The following IQCH variants were observed in gnomAD, a reference collection of about 807,000 sequenced individuals.
IQCH encodes the protein IQ motif containing H.
Under a neutral mutation model 117.0 loss-of-function variants are expected in IQCH, and 98 were observed. The observed-to-expected ratio is 0.84, with a 90% CI of 0.71 to 0.99. The LOEUF (loss-of-function observed/expected upper bound fraction) is 0.99. Among genes scored for constraint, IQCH ranks in the 50% least tolerant of loss-of-function variants. IQCH has a pLI of 0.00. For missense variants in IQCH, 1,102 were observed against 1,243.8 expected, an observed-to-expected ratio of 0.89 and a Z score of 1.72; for synonymous variants, 412 against 448.2, an observed-to-expected ratio of 0.92 and a Z score of 1.02.
intron 4 of IQCH, among the ~76,000 whole-genome samples, chr15:67,314,690 T>C (rs1308776924): frequency 6.6e-6 from 1 of 152,190 alleles, no homozygotes; most frequent in Non-Finnish European, 1.5e-5. Context: ...TCCACATTAC[T>C]GGAGTGCTGA....
At chr15:67,264,326 AAATACT>A (rs1374252909) in intron 3 of IQCH, among the ~76,000 whole-genome samples, 2 of 150,904 alleles carry the variant, frequency 1.3e-5, no homozygotes, top group East Asian at 2.0e-4. Flanking sequence ...TTAGAACAAC[AAATACT>A]TACAGTTTTT....
At chr15:67,489,566 T>G (rs1473871965) in intron 18 of IQCH, among the ~76,000 whole-genome samples, 1 of 152,090 alleles carries the variant, frequency 6.6e-6, no homozygotes, top group African/African-American at 2.4e-5. Context: ...TTCTCCCGCC[T>G]CAGTCTCCCA....
chr15:67,429,365 A>T (rs974515103), intron 16 of IQCH, among the ~76,000 whole-genome samples: 2 of 152,130 alleles, frequency 1.3e-5, no homozygotes, highest in Non-Finnish European at 2.9e-5. Context: ...AAATTTTTTA[A>T]AAATTAGCTG....
At position 67,371,972 on chromosome 15, in the gene IQCH, G is replaced by A. The variant is rs565711262; in HGVS notation, c.754-139G>A. On this transcript the variant is annotated intron_variant, in intron 8 of 20. Coordinates refer to ENST00000335894, the MANE Select transcript of IQCH (RefSeq NM_001031715.3). Reference sequence around the variant, plus strand: ...ACTAGCTAGACTTTCGTATTATGACGTGTGTGTTAAATCAGTGCTAGGATT... The same window carrying A: ...ACTAGCTAGACTTTCGTATTATGACATGTGTGTTAAATCAGTGCTAGGATT... The A allele has an allele frequency of 2.6e-3, 1,824 of 705,694 alleles. 5 individuals carry two copies. Among genetic ancestry groups the A allele is most frequent in the Non-Finnish European group, 3.6e-3 (1,567 of 435,688 alleles). The allele number at this position is 705,694 out of a possible 1,614,324, so 43.7% of individuals were successfully genotyped here. A position where few individuals can be genotyped will look rare whatever the true frequency, so the allele number is the denominator to read the frequency against.
chr15:67,383,774 C>A (rs993928926), intron 10 of IQCH, among the ~76,000 whole-genome samples: 1 of 152,070 alleles, frequency 6.6e-6, no homozygotes, highest in Non-Finnish European at 1.5e-5. Context: ...AAAAATGATT[C>A]GAACAGCTCA....
At chr15:67,497,203 C>T (rs985263902) in intron 20 of IQCH, among the ~76,000 whole-genome samples, 4 of 151,846 alleles carry the variant, frequency 2.6e-5, no homozygotes, top group Non-Finnish European at 4.4e-5. Flanking sequence ...TGGTGGCACA[C>T]ACCTGTGGTT....
rs566125656 is a variant in IQCH at position 67,452,406 on chromosome 15, T to G, written c.2506-12721T>G. Reference sequence around the variant, plus strand: ...TTTAGTGCTTCCTTCAGGAGCTCTTTTAGGGCTGGCCTGGTGGTGACAGAA... The same window carrying G: ...TTTAGTGCTTCCTTCAGGAGCTCTTGTAGGGCTGGCCTGGTGGTGACAGAA... On this transcript the variant is annotated intron_variant, in intron 16 of 20. Transcript: ENST00000335894. Among the ~76,000 whole-genome samples, 4 of 152,330 alleles carry G rather than the reference T, an allele frequency of 2.6e-5. No individual in the cohort carries two copies. The East Asian group carries it at 7.7e-4, about 29-fold the overall frequency.
chr15:67,274,787 T>G (rs1011480770), intron 3 of IQCH, among the ~76,000 whole-genome samples: 6 of 152,178 alleles, frequency 3.9e-5, no homozygotes, highest in Non-Finnish European at 7.3e-5. Context: ...CTTGTTTTGG[T>G]TTTTAATGGA....
intron 16 of IQCH, among the ~76,000 whole-genome samples, chr15:67,434,775 C>T (rs1480502883): frequency 7.0e-6 from 1 of 142,158 alleles, no homozygotes; most frequent in East Asian, 2.1e-4. Flanking sequence ...TTTGTCTTTT[C>T]TTTTCTTTTC....
At chr15:67,441,631 T>C (rs1332604809) in intron 16 of IQCH, among the ~76,000 whole-genome samples, 1 of 152,158 alleles carries the variant, frequency 6.6e-6, no homozygotes, top group Non-Finnish European at 1.5e-5. Context: ...AAACATAAAG[T>C]TGGGAAATGA....
chr15:67,491,461 T>C lies in IQCH; in HGVS notation c.2861+1397T>C, dbSNP rs1417855681. Among the ~76,000 whole-genome samples, 1 of 152,154 alleles carries C rather than the reference T, an allele frequency of 6.6e-6. No homozygotes were observed. Among genetic ancestry groups the C allele is most frequent in the East Asian group, 1.9e-4 (1 of 5,192 alleles). ...CTACAATTTAATCTGGCACTTACAG[T>C]CTCAGATGCTTCCCATCACCTGGGA... On this transcript the variant is annotated intron_variant, in intron 19 of 20. Transcript: ENST00000335894. This position sits in a 1 kb window ranked among gnomAD's most constrained non-coding sequence, Gnocchi z 4.9.
intron 14 of IQCH, among the ~76,000 whole-genome samples, chr15:67,409,439 C>T (rs1341072149): frequency 6.6e-6 from 1 of 152,062 alleles, no homozygotes; most frequent in East Asian, 1.9e-4. Context: ...TGTTTGTGGT[C>T]GGGGGCAAAG....
chr15:67,399,862 G>A (rs1412025538), intron 13 of IQCH, among the ~76,000 whole-genome samples: 1 of 152,210 alleles, frequency 6.6e-6, no homozygotes, highest in Admixed American at 6.5e-5. Flanking sequence ...CCAGCAAAAT[G>A]ATAATTTCAG....
rs1256963766 is a variant in IQCH at position 67,395,647 on chromosome 15, C to G, written c.1905+84C>G. ...GGACAATTTCCAAGTCTTCTGGAGC[C>G]AGACCTACCCAATGAAGAATAGGTG... is the stretch of plus-strand genomic sequence containing the variant. On this transcript the variant is annotated intron_variant, in intron 13 of 20. Transcript: ENST00000335894. This position sits in a 1 kb window ranked among gnomAD's most constrained non-coding sequence, Gnocchi z 4.0. The G allele has an allele frequency of 1.3e-5, 16 of 1,215,886 alleles. No individual in the cohort carries two copies. In the South Asian group the frequency reaches 2.0e-4, roughly 15 times the overall value. The allele number at this position is 1,215,886 out of a possible 1,614,324, so 75.3% of individuals were successfully genotyped here.
rs1242604488 is a variant in IQCH, at chr15:67,407,314, G to C, written c.2097+7009G>C. On this transcript the variant is annotated intron_variant, in intron 14 of 20. Transcript: ENST00000335894. This position sits in a 1 kb window ranked among gnomAD's most constrained non-coding sequence, Gnocchi z 5.3. ...CCAGTGGCTTTATTTTCTGGTTCCA[G>C]TTGGTGTATTTTCTAATTAGTGTAG... 1.3e-5 allele frequency: 2 copies of C among 152,206 alleles called. No homozygotes were observed. The highest frequency in any genetic ancestry group is 2.9e-5 in the Non-Finnish European group (2 of 68,034). 9.4% of individuals were successfully genotyped at this position (152,206 alleles called of 1,614,324 possible). A position where few individuals can be genotyped will look rare whatever the true frequency, so the allele number is the denominator to read the frequency against.
chr15:67,455,234 G>A (rs1348613526), intron 16 of IQCH, among the ~76,000 whole-genome samples: 2 of 152,162 alleles, frequency 1.3e-5, no homozygotes, highest in African/African-American at 2.4e-5. Context: ...TGTACAGGAT[G>A]TAGGTATGAA....
chr15:67,396,496 G>A (rs1971475450), intron 13 of IQCH, among the ~76,000 whole-genome samples: 1 of 152,190 alleles, frequency 6.6e-6, no homozygotes, highest in Non-Finnish European at 1.5e-5. Context: ...AAATGTATTA[G>A]CCACTAGAAA....
chr15:67,381,495 T>C lies in IQCH; in HGVS notation c.1373-3441T>C, dbSNP rs904049067. Among the ~76,000 whole-genome samples the C allele has an allele frequency of 4.6e-5, 7 of 152,198 alleles. No individual in the cohort carries two copies. Among genetic ancestry groups the C allele is most frequent in the African/African-American group, 1.7e-4 (7 of 41,452 alleles). ...AGAAAAGAGGCTGTGATCCTTTCTA[T>C]AGTGATGAGGAAGAGAGAGTGCCTC... On this transcript the variant is annotated intron_variant, in intron 10 of 20. Coordinates refer to ENST00000335894, the MANE Select transcript of IQCH (RefSeq NM_001031715.3). This position sits in a 1 kb window ranked among gnomAD's most constrained non-coding sequence, Gnocchi z 5.1.
intron 18 of IQCH, among the ~76,000 whole-genome samples, chr15:67,484,789 A>C (rs1482903576): frequency 6.6e-6 from 1 of 152,042 alleles, no homozygotes; most frequent in Non-Finnish European, 1.5e-5. Context: ...TGATATATCA[A>C]GATGAGCTGT....
Sources: allele counts gnomAD v4.1 joint callset (sites outside exome capture counted in the v4.1 genomes callset), GRCh38; gene constraint gnomAD v4.1.1; non-coding constraint Gnocchi (gnomAD v3.1); transcripts MANE v1.5; gene names NCBI Gene and HGNC (gene_info 2026-07-23, HGNC 2026-07-21).